PPA2: variants seen among roughly 807,000 people sequenced by gnomAD.
The protein encoded by PPA2 is inorganic pyrophosphatase 2, mitochondrial.
A neutral mutation model predicts 49.5 loss-of-function variants in PPA2; 48 were observed. The ratio of observed to expected loss-of-function variants is 0.97; its 90% CI spans 0.77 to 1.23. The LOEUF is 1.23. Ranked by LOEUF, PPA2 falls within the 50% of genes most tolerant of loss-of-function variation. The pLI is 0.00. For missense variants in PPA2, 429 were observed against 410.1 expected, an observed-to-expected ratio of 1.05 and a Z score of -0.40; for synonymous variants, 131 against 139.9, an observed-to-expected ratio of 0.94 and a Z score of 0.45.
intron 3 of PPA2, among the ~76,000 whole-genome samples, chr4:105,450,427 AGT>A (rs1391542168): frequency 1.3e-5 from 2 of 148,178 alleles, no homozygotes; most frequent in African/African-American, 5.0e-5. Flanking sequence ...CCCAGGCTGG[AGT>A]GCAGCAGCAT....
intron 7 of PPA2, chr4:105,405,208 A>G (rs770067548): frequency 3.2e-4 from 234 of 739,116 alleles, no homozygotes; most frequent in Non-Finnish European, 3.7e-4. Flanking sequence ...TGAAAAATCA[A>G]TGTAGGTAGG....
intron 7 of PPA2, among the ~76,000 whole-genome samples, chr4:105,414,549 C>T (rs781192481): frequency 9.2e-5 from 14 of 152,208 alleles, no homozygotes; most frequent in Non-Finnish European, 1.8e-4. Flanking sequence ...ACCAGGCAAA[C>T]CCCGCAAGTG....
chr4:105,443,723 C>G (rs573477383), intron 5 of PPA2, among the ~76,000 whole-genome samples: 23 of 152,060 alleles, frequency 1.5e-4, no homozygotes, highest in African/African-American at 5.5e-4. Flanking sequence ...AAATGGCAGA[C>G]AGAATGCAGG....
chr4:105,447,639 A>G (rs1277408146), intron 4 of PPA2, among the ~76,000 whole-genome samples: 1 of 152,170 alleles, frequency 6.6e-6, no homozygotes, highest in Non-Finnish European at 1.5e-5. Flanking sequence ...CTATAAATAT[A>G]TACGATTATA....
chr4:105,428,026 G>A (rs540993762), intron 6 of PPA2, among the ~76,000 whole-genome samples: 2 of 152,336 alleles, frequency 1.3e-5, no homozygotes, highest in East Asian at 1.9e-4. Flanking sequence ...CAAGCCAGAA[G>A]AGAGTGGGTG....
chr4:105,398,805 A>G, intron 8 of PPA2: 1 of 330,306 alleles, frequency 3.0e-6, no homozygotes, highest in Admixed American at 5.0e-5. Context: ...TCCAAGACGT[A>G]GGAGCTATAG....
intron 6 of PPA2, among the ~76,000 whole-genome samples, chr4:105,424,706 A>AT (rs1723412103): frequency 6.6e-6 from 1 of 152,182 alleles, no homozygotes; most frequent in African/African-American, 2.4e-5. Flanking sequence ...CTCAATACAC[A>AT]TTCCAAACCA....
At chr4:105,377,443 T>G (rs2110363430) in intron 10 of PPA2, among the ~76,000 whole-genome samples, 1 of 152,246 alleles carries the variant, frequency 6.6e-6, no homozygotes, top group Non-Finnish European at 1.5e-5. Context: ...AAGTCAAAGA[T>G]GTAAATAAAT....
chr4:105,397,530 A>C (rs1734196879), intron 8 of PPA2, among the ~76,000 whole-genome samples: 1 of 152,222 alleles, frequency 6.6e-6, no homozygotes, highest in South Asian at 2.1e-4. Context: ...AAGAGGCACA[A>C]ATCAATTCTT....
chr4:105,405,607 T>C (rs1170917828), intron 7 of PPA2: 9 of 1,009,000 alleles, frequency 8.9e-6, no homozygotes, highest in Admixed American at 5.5e-5. Context: ...TATCAGCAAA[T>C]AAAAAGACTC....
At chr4:105,418,895 T>C (rs1455032234) in intron 7 of PPA2, among the ~76,000 whole-genome samples, 3 of 152,184 alleles carry the variant, frequency 2.0e-5, no homozygotes, top group Non-Finnish European at 4.4e-5. Context: ...CTGTACATTA[T>C]AGAAGGTGGT....
chr4:105,442,628 G>A (rs543162277), intron 5 of PPA2, among the ~76,000 whole-genome samples: 11 of 152,288 alleles, frequency 7.2e-5, no homozygotes, highest in East Asian at 1.9e-4. Context: ...GTGGGAAGAC[G>A]AGATGAATTT....
chr4:105,450,601 C>CTTTTTT (rs575896250), intron 3 of PPA2, among the ~76,000 whole-genome samples: 1,458 of 82,552 alleles, frequency 0.018, 221 homozygotes, highest in Non-Finnish European at 0.027. Flanking sequence ...GTCTGGAATT[C>CTTTTTT]TTTTTTTTTT....
intron 6 of PPA2, among the ~76,000 whole-genome samples, chr4:105,432,788 T>C (rs1420448407): frequency 1.3e-5 from 2 of 152,132 alleles, no homozygotes; most frequent in Non-Finnish European, 2.9e-5. Flanking sequence ...AGACAATTAT[T>C]TTTCCAATGT....
At chr4:105,425,587 A>C (rs1723459336) in intron 6 of PPA2, among the ~76,000 whole-genome samples, 1 of 152,000 alleles carries the variant, frequency 6.6e-6, no homozygotes, top group African/African-American at 2.4e-5. Flanking sequence ...AACATTCAGC[A>C]TTCTATCTCA....
chr4:105,407,839 G>A (rs993403903), intron 7 of PPA2, among the ~76,000 whole-genome samples: 4 of 152,186 alleles, frequency 2.6e-5, no homozygotes, highest in East Asian at 1.9e-4. Flanking sequence ...ATGGCCTATG[G>A]TAGGAGGAAG....
intron 6 of PPA2, among the ~76,000 whole-genome samples, chr4:105,424,662 A>T (rs1723409349): frequency 6.6e-6 from 1 of 152,202 alleles, no homozygotes; most frequent in South Asian, 2.1e-4. Flanking sequence ...AGAAGTAAAC[A>T]AATGAGAAGA....
At chr4:105,469,793 T>C (rs536266033) in intron 1 of PPA2, among the ~76,000 whole-genome samples, 2 of 152,378 alleles carry the variant, frequency 1.3e-5, no homozygotes, top group South Asian at 2.1e-4. Context: ...GTTGAAGTTC[T>C]ATGATATAGG....
In PPA2 at chr4:105,377,004, T is replaced by C. The variant is rs148775279; in HGVS notation, c.940-6131A>G. Among the ~76,000 whole-genome samples, 849 of 152,316 alleles carry C rather than the reference T, an allele frequency of 5.6e-3. 7 individuals carry two copies. Among genetic ancestry groups the C allele is most frequent in the African/African-American group, 0.02 (815 of 41,570 alleles). ...GAGGAAAGTGCTTAAACAAAGCACA[T>C]GGGAGAATTTTGGGGAAAAGAATTC... On this transcript the variant is annotated intron_variant, in intron 10 of 11. Transcript: ENST00000341695.
Sources: gnomAD v4.1 joint callset for allele counts (sites outside exome capture counted in the v4.1 genomes callset) on GRCh38, gnomAD v4.1.1 for gene constraint, MANE v1.5 for transcripts, NCBI Gene and HGNC (gene_info 2026-07-23, HGNC 2026-07-21) for gene names.